The following CNTNAP3B variants were observed in gnomAD, a reference collection of about 807,000 sequenced individuals.
CNTNAP3B encodes contactin-associated protein-like 3B.
In CNTNAP3B, 25 loss-of-function variants were observed where a neutral mutation model predicts 108.9. That is an observed-to-expected ratio of 0.23 (90% confidence interval 0.17 to 0.32). CNTNAP3B has a LOEUF of 0.32. CNTNAP3B is among the 10% of genes least tolerant of loss of function. CNTNAP3B has a pLI of 1.00. For synonymous variants in CNTNAP3B, 103 were observed against 473.4 expected (o/e 0.22, Z 10.16); for missense variants, 252 against 1,210.4 (o/e 0.21, Z 11.75).
At chr9:42,108,852 G>T (rs1245873294) in intron 1 of CNTNAP3B, among the ~76,000 whole-genome samples, 2 of 140,330 alleles carry the variant, frequency 1.4e-5, no homozygotes, top group Non-Finnish European at 3.1e-5. Flanking sequence ...TCCCAGCATG[G>T]TGCCTATGAA....
rs867029412 is a variant in CNTNAP3B, at chr9:42,106,350, G to A, written c.86-1611C>T. ...TAAGTGACAATGTCACATTTATACAGGTGAGTCAGACACTGGAATTTGTGA... is the reference window on the plus strand; with the variant it reads ...TAAGTGACAATGTCACATTTATACAAGTGAGTCAGACACTGGAATTTGTGA... On this transcript the variant is annotated intron_variant, in intron 1 of 23. Coordinates refer to ENST00000377561, the MANE Select transcript of CNTNAP3B (RefSeq NM_001201380.3). 2.5e-5 allele frequency among the ~76,000 whole-genome samples: 2 copies of A among 80,228 alleles called. 1 individual carries two copies. The highest frequency in any genetic ancestry group is 5.0e-5 in the Non-Finnish European group (2 of 39,888). The allele number at this position is 80,228 out of a possible 152,430, so 52.6% of individuals were successfully genotyped here.
intron 13 of CNTNAP3B, among the ~76,000 whole-genome samples, chr9:41,939,950 A>T (rs1218319108): frequency 6.6e-6 from 1 of 152,098 alleles, no homozygotes; most frequent in Non-Finnish European, 1.5e-5. Flanking sequence ...TTAGGACCCC[A>T]GGACTGGAAC....
chr9:41,995,990 T>C lies in CNTNAP3B; in HGVS notation c.1071+215A>G, dbSNP rs1825892625. ...GGCGTAAGCTGCAGTAAGCTGAGAT[T>C]GCGCCGCTGCACTCCAACCTGGGAG... On this transcript the variant is annotated intron_variant, in intron 7 of 23. Coordinates refer to ENST00000377561, the MANE Select transcript of CNTNAP3B (RefSeq NM_001201380.3). 3.5e-5 allele frequency among the ~76,000 whole-genome samples: 5 copies of C among 144,026 alleles called. 1 individual carries two copies. In the South Asian group the frequency reaches 6.7e-4, roughly 19 times the overall value. 94.5% of individuals were successfully genotyped at this position (144,026 alleles called of 152,430 possible). A position where few individuals can be genotyped will look rare whatever the true frequency, so the allele number is the denominator to read the frequency against.
chr9:41,955,186 A>G (rs1195127798), intron 12 of CNTNAP3B, among the ~76,000 whole-genome samples: 1 of 147,094 alleles, frequency 6.8e-6, no homozygotes, highest in Non-Finnish European at 1.5e-5. Context: ...GGTCCGGAGT[A>G]GTTCACATAG....
intron 10 of CNTNAP3B, among the ~76,000 whole-genome samples, chr9:41,969,050 C>T (rs1242172244): frequency 1.3e-5 from 2 of 152,292 alleles, no homozygotes; most frequent in Admixed American, 1.3e-4. Context: ...CCCGCCTTGG[C>T]CTCCCAAAGT....
At chr9:41,940,000 T>C (rs1824284692) in intron 13 of CNTNAP3B, among the ~76,000 whole-genome samples, 1 of 152,276 alleles carries the variant, frequency 6.6e-6, no homozygotes, top group African/African-American at 2.4e-5. Flanking sequence ...CTGAATGGGC[T>C]CAAGAATAGA....
chr9:41,997,282 A>T (rs1441862001), intron 6 of CNTNAP3B, among the ~76,000 whole-genome samples: 2 of 151,956 alleles, frequency 1.3e-5, no homozygotes, highest in Admixed American at 1.3e-4. Context: ...CAAATGAAAT[A>T]TATTCAAATG....
chr9:42,079,383 T>C (rs1345142002), intron 2 of CNTNAP3B, among the ~76,000 whole-genome samples: 6 of 136,144 alleles, frequency 4.4e-5, no homozygotes, highest in Non-Finnish European at 9.4e-5. Flanking sequence ...CCTAAGCCTA[T>C]GTAAACTTTA....
rs1389042252 is a variant in CNTNAP3B at position 41,926,087 on chromosome 9, A to G, written c.2366-1994T>C. Among the ~76,000 whole-genome samples the G allele has an allele frequency of 5.3e-5, 8 of 152,366 alleles. No homozygotes were observed. In the South Asian group the frequency reaches 6.2e-4, roughly 12 times the overall value. On this transcript the variant is annotated intron_variant, in intron 15 of 23. Coordinates refer to ENST00000377561, the MANE Select transcript of CNTNAP3B (RefSeq NM_001201380.3). ...TTCTATGTGTATTCTACAGTTATCTATTATGTATATTAAAATCCATGAGTT... is the reference window on the plus strand; with the variant it reads ...TTCTATGTGTATTCTACAGTTATCTGTTATGTATATTAAAATCCATGAGTT...
chr9:41,979,014 C>G lies in CNTNAP3B; in HGVS notation c.1477+7154G>C, dbSNP rs1421957397. 2.9e-5 allele frequency among the ~76,000 whole-genome samples: 4 copies of G among 139,584 alleles called. 2 individuals carry two copies. The highest frequency in any genetic ancestry group is 6.2e-5 in the Non-Finnish European group (4 of 64,994). The allele number at this position is 139,584 out of a possible 152,430, so 91.6% of individuals were successfully genotyped here. A position where few individuals can be genotyped will look rare whatever the true frequency, so the allele number is the denominator to read the frequency against. ...CAGCAGTGGGTGGTAAGGTCTGGGT[C>G]GGGTTCATCCCCAGGTGGGATGTGG... On this transcript the variant is annotated intron_variant, in intron 9 of 23. Coordinates refer to ENST00000377561, the MANE Select transcript of CNTNAP3B (RefSeq NM_001201380.3).
chr9:42,111,437 A>G (rs919207261), intron 1 of CNTNAP3B, among the ~76,000 whole-genome samples: 1 of 139,010 alleles, frequency 7.2e-6, no homozygotes, highest in Non-Finnish European at 1.5e-5. Context: ...ATTGCTAAGA[A>G]CAGAAATAAA....
intron 4 of CNTNAP3B, among the ~76,000 whole-genome samples, chr9:42,010,529 C>A (rs1432921554): frequency 7.4e-6 from 1 of 134,396 alleles, no homozygotes; most frequent in Non-Finnish European, 1.6e-5. Flanking sequence ...AAGGCCTGGA[C>A]AGGCAGTAGA....
intron 9 of CNTNAP3B, among the ~76,000 whole-genome samples, chr9:41,972,782 T>G (rs992865390): frequency 7.3e-6 from 1 of 136,672 alleles, no homozygotes; most frequent in African/African-American, 2.9e-5. Context: ...ATAATTCTAC[T>G]GCATCTCACT....
At chr9:41,990,153 C>T (rs1313749959) in intron 8 of CNTNAP3B, among the ~76,000 whole-genome samples, 2 of 134,082 alleles carry the variant, frequency 1.5e-5, no homozygotes, top group Admixed American at 7.5e-5. Context: ...CATAATAAGA[C>T]TATTTCATTT....
chr9:41,959,512 C>T, intron 12 of CNTNAP3B, among the ~76,000 whole-genome samples: 1 of 152,056 alleles, frequency 6.6e-6, no homozygotes, highest in Non-Finnish European at 1.5e-5. Context: ...CAACCAAGGT[C>T]CTTCCTGGTT....
chr9:42,051,784 T>C (rs1826965172), intron 3 of CNTNAP3B, among the ~76,000 whole-genome samples: 1 of 151,852 alleles, frequency 6.6e-6, no homozygotes, highest in African/African-American at 2.4e-5. Context: ...ATTTACATTG[T>C]GTTCTTGGGA....
intron 1 of CNTNAP3B, among the ~76,000 whole-genome samples, chr9:42,117,328 T>A (rs1245418285): frequency 7.5e-6 from 1 of 133,714 alleles, no homozygotes; most frequent in African/African-American, 3.1e-5. Flanking sequence ...AAACTGTCTC[T>A]CAGACCACAG....
At chr9:41,947,318 C>A (rs1273907111) in intron 13 of CNTNAP3B, among the ~76,000 whole-genome samples, 1 of 152,190 alleles carries the variant, frequency 6.6e-6, no homozygotes, top group Non-Finnish European at 1.5e-5. Flanking sequence ...AAAGTATATT[C>A]TCTAAGCATA....
intron 13 of CNTNAP3B, among the ~76,000 whole-genome samples, chr9:41,942,788 C>T (rs62536535): frequency 9.6e-3 from 1,458 of 151,146 alleles, no homozygotes; most frequent in East Asian, 0.034. Context: ...AAACTCAAAA[C>T]GGAAGAAAGA....
Sources: allele counts gnomAD v4.1 joint callset (sites outside exome capture counted in the v4.1 genomes callset), GRCh38; gene constraint gnomAD v4.1.1; transcripts MANE v1.5; gene names NCBI Gene and HGNC (gene_info 2026-07-23, HGNC 2026-07-21).